ZNF609: variants seen among roughly 807,000 people sequenced by gnomAD.
The protein encoded by ZNF609 is zinc finger protein 609.
In ZNF609, 11 loss-of-function variants were observed where a neutral mutation model predicts 109.5. The observed-to-expected ratio is 0.10, with a 90% CI of 0.06 to 0.17. The LOEUF (loss-of-function observed/expected upper bound fraction) is 0.17, where lower values mean the gene tolerates loss of function less well. ZNF609 is among the 10% of genes least tolerant of loss of function. The pLI, the probability that ZNF609 is intolerant of heterozygous loss-of-function variation, is 1.00. For missense variants in ZNF609, 1,559 were observed against 1,772.4 expected (o/e 0.88, Z 2.16); for synonymous variants, 646 against 662.0 (o/e 0.98, Z 0.37).
chr15:64,556,149 C>G (rs1894582152), intron 2 of ZNF609, among the ~76,000 whole-genome samples: 1 of 60,224 alleles, frequency 1.7e-5, no homozygotes, highest in African/African-American at 4.1e-5. Context: ...CACACCACAC[C>G]TGGCCAATTT....
rs545549980 is a variant in ZNF609, at chr15:64,680,041, C to A, written c.3770-144C>A. 6.6e-5 allele frequency: 56 copies of A among 844,194 alleles called. No homozygotes were observed. In the South Asian group the frequency reaches 9.2e-4, roughly 14 times the overall value. 52.3% of individuals were successfully genotyped at this position (844,194 alleles called of 1,614,324 possible). On this transcript the variant is annotated intron_variant, in intron 6 of 9. Coordinates refer to ENST00000326648, the MANE Select transcript of ZNF609 (RefSeq NM_015042.2). ...TAGAGCTCAGTAAAGAAAGGTCAAGCCAACAGTCTCAGCCAAAGACACTAT... is the reference window on the plus strand; with the variant it reads ...TAGAGCTCAGTAAAGAAAGGTCAAGACAACAGTCTCAGCCAAAGACACTAT...
chr15:64,630,667 C>T (rs993581937), intron 3 of ZNF609, among the ~76,000 whole-genome samples: 10 of 151,508 alleles, frequency 6.6e-5, no homozygotes, highest in African/African-American at 2.4e-4. Context: ...GGAGTTTCAC[C>T]GTGTTAGCCA....
intron 2 of ZNF609, among the ~76,000 whole-genome samples, chr15:64,511,224 C>T (rs1255025616): frequency 6.6e-6 from 1 of 151,906 alleles, no homozygotes; most frequent in East Asian, 1.9e-4. Flanking sequence ...GTAATCCCAG[C>T]ACTTTGGAAG....
chr15:64,642,244 T>G (rs533260073), intron 3 of ZNF609, among the ~76,000 whole-genome samples: 4 of 152,262 alleles, frequency 2.6e-5, no homozygotes, highest in South Asian at 2.1e-4. Flanking sequence ...AGTGCAGTGG[T>G]GCAATCATGG....
At chr15:64,616,752 C>A (rs576061193) in intron 2 of ZNF609, among the ~76,000 whole-genome samples, 1 of 140,464 alleles carries the variant, frequency 7.1e-6, no homozygotes. Context: ...ATCTCCTGAC[C>A]TTGTGATCCA....
At chr15:64,632,410 A>G (rs1055263242) in intron 3 of ZNF609, among the ~76,000 whole-genome samples, 1 of 152,052 alleles carries the variant, frequency 6.6e-6, no homozygotes, top group Non-Finnish European at 1.5e-5. Flanking sequence ...GAGGCATGAA[A>G]ATTACGTGGA....
At chr15:64,600,918 A>G (rs980728849) in intron 2 of ZNF609, among the ~76,000 whole-genome samples, 1 of 152,118 alleles carries the variant, frequency 6.6e-6, no homozygotes, top group Non-Finnish European at 1.5e-5. Flanking sequence ...TGACTGCTTT[A>G]TGATTTCAGT....
At chr15:64,563,761 C>T (rs181258305) in intron 2 of ZNF609, among the ~76,000 whole-genome samples, 238 of 151,584 alleles carry the variant, frequency 1.6e-3, no homozygotes, top group African/African-American at 5.6e-3. Flanking sequence ...GCAACGAGAG[C>T]GAAACTCTGT....
upstream of ZNF609, among the ~76,000 whole-genome samples, chr15:64,460,154 T>G (rs999050771): frequency 6.6e-6 from 1 of 152,130 alleles, no homozygotes; most frequent in Non-Finnish European, 1.5e-5. Context: ...TCTTCTGTTC[T>G]TTGTGGATGC....
chr15:64,681,208 G>C (rs1896880474), intron 8 of ZNF609, 101 bp from the exon 9 acceptor site: 1 of 1,001,796 alleles, frequency 1.0e-6, no homozygotes, highest in Non-Finnish European at 1.5e-6. Flanking sequence ...ATCTGGCTGA[G>C]TATCAGATTT....
intron 2 of ZNF609, among the ~76,000 whole-genome samples, chr15:64,587,968 G>A (rs1348242016): frequency 1.3e-5 from 2 of 151,616 alleles, no homozygotes; most frequent in East Asian, 2.0e-4. Context: ...TTGAACTCCC[G>A]AACTCAGGTG....
At chr15:64,597,746 A>G (rs1038290134) in intron 2 of ZNF609, among the ~76,000 whole-genome samples, 1 of 152,118 alleles carries the variant, frequency 6.6e-6, no homozygotes, top group African/African-American at 2.4e-5. Context: ...TAGGTTATGA[A>G]TATCTATCTG....
intron 2 of ZNF609, among the ~76,000 whole-genome samples, chr15:64,613,632 C>T (rs1895750712): frequency 6.6e-6 from 1 of 152,016 alleles, no homozygotes; most frequent in Admixed American, 6.6e-5. Context: ...CTCACTGCAG[C>T]CGCCGCCTGC....
chr15:64,665,314 G>A (rs766590858), intron 3 of ZNF609, among the ~76,000 whole-genome samples: 4 of 152,224 alleles, frequency 2.6e-5, no homozygotes, highest in Non-Finnish European at 5.9e-5. Context: ...AGGCCTTAGA[G>A]TCTGAAAGAT....
intron 2 of ZNF609, among the ~76,000 whole-genome samples, chr15:64,575,020 G>A (rs2140417472): frequency 6.6e-6 from 1 of 152,312 alleles, no homozygotes; most frequent in East Asian, 1.9e-4. Flanking sequence ...AATGGGGCTT[G>A]TATGTGGCAG....
At chr15:64,672,640 CTA>C (rs951927134) in intron 4 of ZNF609, among the ~76,000 whole-genome samples, 2 of 129,208 alleles carry the variant, frequency 1.5e-5, no homozygotes, top group African/African-American at 5.9e-5. Context: ...AAAAAAAAGA[CTA>C]TATTCAGACC....
At chr15:64,640,828 A>C (rs1171218736) in intron 3 of ZNF609, among the ~76,000 whole-genome samples, 1 of 152,234 alleles carries the variant, frequency 6.6e-6, no homozygotes, top group African/African-American at 2.4e-5. Context: ...TATACGATTT[A>C]AGGGTGTGGT....
chr15:64,481,629 TAAG>T (rs1448564471), intron 1 of ZNF609, among the ~76,000 whole-genome samples: 1 of 152,040 alleles, frequency 6.6e-6, no homozygotes, highest in African/African-American at 2.4e-5. Context: ...GGCATCTTTC[TAAG>T]AAGAAGGCAT....
intron 1 of ZNF609, among the ~76,000 whole-genome samples, chr15:64,496,819 C>T (rs1324038521): frequency 6.8e-6 from 1 of 146,012 alleles, no homozygotes; most frequent in Non-Finnish European, 1.5e-5. Flanking sequence ...TTTTTTCTTT[C>T]TTTTTTTTTT....
Sources: gnomAD v4.1 joint callset for allele counts (sites outside exome capture counted in the v4.1 genomes callset) on GRCh38, gnomAD v4.1.1 for gene constraint, MANE v1.5 for transcripts, NCBI Gene and HGNC (gene_info 2026-07-23, HGNC 2026-07-21) for gene names.